NRXN3: variants seen among roughly 807,000 people sequenced by gnomAD.
NRXN3 encodes the protein neurexin 3.
A neutral mutation model predicts 137.6 loss-of-function variants in NRXN3; 32 were observed. The ratio of observed to expected loss-of-function variants is 0.23; its 90% CI spans 0.18 to 0.31. NRXN3 has a LOEUF of 0.31. Ranked by LOEUF, NRXN3 falls within the 10% of genes least tolerant of loss-of-function variation. The pLI is 1.00. For synonymous variants in NRXN3, 798 were observed against 784.5 expected, an observed-to-expected ratio of 1.02 and a Z score of -0.29; for missense variants, 1,574 against 2,062.5, an observed-to-expected ratio of 0.76 and a Z score of 4.59.
At chr14:78,334,372 C>T (rs986297290) in intron 4 of NRXN3, among the ~76,000 whole-genome samples, 1 of 152,058 alleles carries the variant, frequency 6.6e-6, no homozygotes, top group African/African-American at 2.4e-5. Context: ...CTCATATTCC[C>T]TAAGGGTGGA....
At chr14:79,181,252 T>C (rs922992375) in intron 15 of NRXN3, among the ~76,000 whole-genome samples, 20 of 152,164 alleles carry the variant, frequency 1.3e-4, no homozygotes, top group Admixed American at 2.6e-4. Flanking sequence ...GGTACAAGCC[T>C]GTAAGTTAGC....
chr14:78,417,403 CCCCCA>C, intron 4 of NRXN3, among the ~76,000 whole-genome samples: 1 of 152,316 alleles, frequency 6.6e-6, no homozygotes, highest in South Asian at 2.1e-4. Flanking sequence ...CACAAACATG[CCCCCA>C]TGGGAGCATG....
intron 6 of NRXN3, among the ~76,000 whole-genome samples, chr14:78,664,656 A>G (rs1343329336): frequency 6.6e-6 from 1 of 152,220 alleles, no homozygotes; most frequent in Non-Finnish European, 1.5e-5. Context: ...AGTTAGAAGT[A>G]CTTTATTATA....
At chr14:79,823,939 C>T (rs1392651241) in intron 20 of NRXN3, 2 of 445,892 alleles carry the variant, frequency 4.5e-6, no homozygotes, top group African/African-American at 2.0e-5. Flanking sequence ...GGTAATGCAG[C>T]AGCAGTGGGC....
At chr14:79,265,986 AAAAT>A (rs1210426810) in intron 15 of NRXN3, among the ~76,000 whole-genome samples, 1 of 152,194 alleles carries the variant, frequency 6.6e-6, no homozygotes, top group Non-Finnish European at 1.5e-5. Flanking sequence ...TGGGACAGGA[AAAAT>A]AAATAGTAGG....
intron 1 of NRXN3, among the ~76,000 whole-genome samples, chr14:78,178,672 C>A (rs1455762082): frequency 1.3e-5 from 2 of 152,152 alleles, no homozygotes; most frequent in Non-Finnish European, 2.9e-5. Flanking sequence ...CTGCTTTGAG[C>A]AGGGCATCAT....
intron 10 of NRXN3, among the ~76,000 whole-genome samples, chr14:78,942,535 G>T (rs74069229): frequency 0.024 from 3,589 of 152,264 alleles, 152 homozygotes; most frequent in African/African-American, 0.081. Context: ...TAATGGGGGA[G>T]TAGTACCAGG....
At chr14:79,159,585 A>G (rs1394427961) in intron 15 of NRXN3, among the ~76,000 whole-genome samples, 2 of 151,736 alleles carry the variant, frequency 1.3e-5, no homozygotes, top group African/African-American at 4.8e-5. Context: ...TTTCATTCTC[A>G]ACATCATTTT....
rs867676053 is a variant in NRXN3, at chr14:79,310,729, C to T, written c.3263-156492C>T. Among the ~76,000 whole-genome samples the T allele has an allele frequency of 1.8e-3, 208 of 114,870 alleles. 1 individual carries two copies. Among genetic ancestry groups the T allele is most frequent in the Middle Eastern group, 4.2e-3 (1 of 240 alleles). 75.4% of individuals were successfully genotyped at this position (114,870 alleles called of 152,430 possible). ...GGGAGTTCACTCATGATTTGGCTCT[C>T]TGTTTGTCTGTTATTGGTGTATAAG... On this transcript the variant is annotated intron_variant, in intron 15 of 20. Coordinates refer to ENST00000335750, the MANE Select transcript of NRXN3 (RefSeq NM_001330195.2).
intron 15 of NRXN3, among the ~76,000 whole-genome samples, chr14:79,142,889 GGGAGGA>G (rs2058939177): frequency 3.9e-5 from 6 of 152,286 alleles, no homozygotes; most frequent in Admixed American, 3.3e-4. Flanking sequence ...ATAAGTGCAA[GGGAGGA>G]GGCAGAAGAT....
intron 15 of NRXN3, among the ~76,000 whole-genome samples, chr14:79,029,437 G>A (rs537399315): frequency 2.4e-4 from 36 of 152,108 alleles, no homozygotes; most frequent in Admixed American, 4.6e-4. Flanking sequence ...AAGTCAAGAG[G>A]GTGGAAGGTG....
intron 1 of NRXN3, among the ~76,000 whole-genome samples, chr14:78,222,816 A>T (rs1368491334): frequency 6.6e-6 from 1 of 152,214 alleles, no homozygotes. Context: ...TCACTTTCCC[A>T]CTAGGCTCTA....
intron 15 of NRXN3, among the ~76,000 whole-genome samples, chr14:79,446,615 C>T (rs1270093331): frequency 6.6e-6 from 1 of 152,024 alleles, no homozygotes; most frequent in East Asian, 1.9e-4. Context: ...TACTAATCCT[C>T]CCTCCTCCCT....
At chr14:79,808,618 T>G (rs1294496831) in intron 20 of NRXN3, among the ~76,000 whole-genome samples, 4 of 152,122 alleles carry the variant, frequency 2.6e-5, no homozygotes, top group Admixed American at 6.6e-5. Context: ...TTCTTTCACT[T>G]TGCCAGCGAG....
chr14:78,176,711 G>A (rs1291166030), intron 1 of NRXN3, among the ~76,000 whole-genome samples: 1 of 152,186 alleles, frequency 6.6e-6, no homozygotes, highest in Non-Finnish European at 1.5e-5. Context: ...AAGGTTTCCT[G>A]GCTGCCAGGG....
intron 4 of NRXN3, among the ~76,000 whole-genome samples, chr14:78,523,381 C>T (rs957437694): frequency 6.6e-6 from 1 of 152,164 alleles, no homozygotes; most frequent in Non-Finnish European, 1.5e-5. Flanking sequence ...TCATAACTCG[C>T]AATAATTTGG....
chr14:79,388,339 A>G (rs1339940511), intron 15 of NRXN3, among the ~76,000 whole-genome samples: 1 of 152,208 alleles, frequency 6.6e-6, no homozygotes, highest in Non-Finnish European at 1.5e-5. Context: ...ATTCCTTTAT[A>G]GCAATGCAAG....
At chr14:78,720,693 G>A (rs1028952990) in intron 8 of NRXN3, among the ~76,000 whole-genome samples, 1 of 151,824 alleles carries the variant, frequency 6.6e-6, no homozygotes, top group African/African-American at 2.4e-5. Context: ...TCACTTCTTT[G>A]GACAACTATA....
At position 79,193,164 on chromosome 14, in the gene NRXN3, G is replaced by T. The variant is rs2064652033; in HGVS notation, c.3262+205023G>T. On this transcript the variant is annotated intron_variant, in intron 15 of 20. Transcript: ENST00000335750. ...ACAAAAAAAAAAATTGAAAAAAATT[G>T]AACTTCTGAGAAGAATGGTGATATT... Among the ~76,000 whole-genome samples, 3 of 151,866 alleles carry T rather than the reference G, an allele frequency of 2.0e-5. No homozygotes were observed. In the South Asian group the frequency reaches 6.2e-4, roughly 31 times the overall value.
Sources: allele counts gnomAD v4.1 joint callset (sites outside exome capture counted in the v4.1 genomes callset), GRCh38; gene constraint gnomAD v4.1.1; transcripts MANE v1.5; gene names NCBI Gene and HGNC (gene_info 2026-07-23, HGNC 2026-07-21).